RAD18: variants seen among roughly 807,000 people sequenced by gnomAD.
RAD18 encodes the protein RAD18 E3 ubiquitin protein ligase.
RAD18 carries 47 observed loss-of-function variants against 60.4 expected under a neutral mutation model. The ratio of observed to expected loss-of-function variants is 0.78; its 90% confidence interval spans 0.62 to 0.99. The LOEUF (loss-of-function observed/expected upper bound fraction) is 0.99. Ranked by LOEUF, RAD18 falls within the 50% of genes least tolerant of loss-of-function variation. The pLI is 0.00. For missense variants in RAD18, 640 were observed against 593.3 expected (o/e 1.08, Z -0.82); for synonymous variants, 225 against 195.5 (o/e 1.15, Z -1.26).
In RAD18 at chr3:8,881,195, A is replaced by C; in HGVS notation, c.*162T>G. ...TGACCAAGTAAGGATATTTTGTAAC[A>C]TTTTTCCCCTCTGGAAAAGCAGAAA... is the stretch of plus-strand genomic sequence containing the variant. On this transcript the variant is annotated 3_prime_UTR_variant, in exon 13 of 13. Transcript: ENST00000264926. 1 of 621,190 alleles carries C rather than the reference A, an allele frequency of 1.6e-6. No homozygotes were observed. Among genetic ancestry groups the C allele is most frequent in the Non-Finnish European group, 2.7e-6 (1 of 367,748 alleles). The allele number at this position is 621,190 out of a possible 1,614,324, so 38.5% of individuals were successfully genotyped here. A position where few individuals can be genotyped will look rare whatever the true frequency, so the allele number is the denominator to read the frequency against.
In RAD18 at chr3:8,959,023, A is replaced by G. The variant is rs781277732; in HGVS notation, c.52-22T>C. ...TTGTCTGAAATGCAAATATGCATAT[A>G]TACATATCAGAAAGACATCAAAATT... On this transcript the variant is annotated intron_variant, in intron 1 of 12. Transcript: ENST00000264926. The G allele has an allele frequency of 5.0e-6, 8 of 1,589,540 alleles. No homozygotes were observed. In the South Asian group the frequency reaches 7.8e-5, roughly 16 times the overall value.
intron 11 of RAD18, among the ~76,000 whole-genome samples, chr3:8,895,590 G>T (rs1437414803): frequency 1.3e-5 from 2 of 152,076 alleles, no homozygotes; most frequent in African/African-American, 2.4e-5. Flanking sequence ...CTGATGAGAT[G>T]ATTTCCAAAA....
intron 7 of RAD18, among the ~76,000 whole-genome samples, chr3:8,915,504 A>C (rs541482603): frequency 2.6e-4 from 39 of 152,186 alleles, no homozygotes; most frequent in African/African-American, 8.4e-4. Context: ...GCAAAAGACC[A>C]AGGGTGAGCT....
At chr3:8,887,890 G>T (rs1270725290) in intron 12 of RAD18, among the ~76,000 whole-genome samples, 1 of 152,158 alleles carries the variant, frequency 6.6e-6, no homozygotes, top group East Asian at 1.9e-4. Context: ...GCCCAGCCAG[G>T]AGTATGCCTG....
At chr3:8,902,939 T>C (rs1439351048) in intron 9 of RAD18, among the ~76,000 whole-genome samples, 1 of 150,738 alleles carries the variant, frequency 6.6e-6, no homozygotes, top group Non-Finnish European at 1.5e-5. Context: ...GGCACAAGAG[T>C]CACTTGAACC....
At chr3:8,925,826 A>G (rs1467403388) in intron 7 of RAD18, among the ~76,000 whole-genome samples, 2 of 152,232 alleles carry the variant, frequency 1.3e-5, no homozygotes, top group Non-Finnish European at 2.9e-5. Context: ...GATTATCTCA[A>G]TAGATGCAGA....
intron 8 of RAD18, among the ~76,000 whole-genome samples, chr3:8,912,994 T>G (rs1940129196): frequency 6.6e-6 from 1 of 151,540 alleles, no homozygotes; most frequent in South Asian, 2.1e-4. Context: ...TTTCTTAAGG[T>G]AACCATTGCT....
intron 12 of RAD18, among the ~76,000 whole-genome samples, chr3:8,886,216 A>T (rs531209800): frequency 7.9e-5 from 12 of 152,280 alleles, no homozygotes; most frequent in Admixed American, 4.6e-4. Context: ...TTGGTATTTT[A>T]TTGCCACAAA....
intron 2 of RAD18, among the ~76,000 whole-genome samples, chr3:8,956,653 C>T (rs77571607): frequency 0.011 from 1,593 of 151,090 alleles, 27 homozygotes; most frequent in African/African-American, 0.037. Flanking sequence ...ACAAAAACAA[C>T]GTTATTAGCT....
chr3:8,948,477 G>C (rs775898998), intron 3 of RAD18, 32 bp downstream of exon 3: 2 of 1,568,620 alleles, frequency 1.3e-6, no homozygotes, highest in African/African-American at 2.7e-5. Context: ...GCAGCAGTCA[G>C]TAAGTTTTAA....
chr3:8,918,430 T>TA (rs995826840), intron 7 of RAD18, among the ~76,000 whole-genome samples: 1 of 151,928 alleles, frequency 6.6e-6, no homozygotes, highest in Admixed American at 6.6e-5. Flanking sequence ...TAAAATACAT[T>TA]AAAAAGTATT....
At chr3:8,895,671 A>C (rs1939771265) in intron 11 of RAD18, among the ~76,000 whole-genome samples, 1 of 152,196 alleles carries the variant, frequency 6.6e-6, no homozygotes, top group Non-Finnish European at 1.5e-5. Flanking sequence ...AAGTAGATTG[A>C]TATATTTACA....
intron 1 of RAD18, among the ~76,000 whole-genome samples, chr3:8,959,314 C>T (rs568827284): frequency 1.3e-5 from 2 of 152,338 alleles, no homozygotes; most frequent in South Asian, 4.1e-4. Flanking sequence ...ACTTCTAATG[C>T]GCTTCCAGCT....
chr3:8,918,087 G>A (rs1196605857), intron 7 of RAD18, among the ~76,000 whole-genome samples: 1 of 152,142 alleles, frequency 6.6e-6, no homozygotes, highest in East Asian at 1.9e-4. Context: ...GGAGGCCGAG[G>A]CGAGTGGATC....
At chr3:8,886,648 C>G (rs752909189) in intron 12 of RAD18, among the ~76,000 whole-genome samples, 1 of 152,210 alleles carries the variant, frequency 6.6e-6, no homozygotes, top group Non-Finnish European at 1.5e-5. Context: ...TACTTACTCA[C>G]TAGAAAGGGT....
intron 12 of RAD18, among the ~76,000 whole-genome samples, chr3:8,882,918 C>T (rs1939496195): frequency 1.3e-5 from 2 of 152,228 alleles, no homozygotes; most frequent in Admixed American, 1.3e-4. Flanking sequence ...TCCCTATGGT[C>T]CTTCACTGCA....
intron 4 of RAD18, among the ~76,000 whole-genome samples, chr3:8,943,351 G>T (rs369903134): frequency 1.3e-5 from 2 of 148,944 alleles, no homozygotes; most frequent in Non-Finnish European, 3.0e-5. Flanking sequence ...AAAAAGAAAA[G>T]GGATAAAAAG....
chr3:8,956,750 T>TAAAAA (rs59945420), intron 2 of RAD18, among the ~76,000 whole-genome samples: 4 of 137,772 alleles, frequency 2.9e-5, no homozygotes, highest in Admixed American at 6.8e-5. Context: ...ATTCATGATT[T>TAAAAA]AAAAAAAAAA....
At position 8,963,402 on chromosome 3, in the gene RAD18, G is replaced by A; in HGVS notation, c.-17C>T. 1 of 1,579,372 alleles carries A rather than the reference G, an allele frequency of 6.3e-7. No homozygotes were observed. On this transcript the variant is annotated 5_prime_UTR_variant, in exon 1 of 13. Transcript: ENST00000264926. The stretch of plus-strand genomic sequence containing the variant: ...GGAGTCCATGGTCGCTCCCGAGGAT[G>A]CTGGGGGTCAGCCACCCACTAGCCT...
Sources: gnomAD v4.1 joint callset for allele counts (sites outside exome capture counted in the v4.1 genomes callset) on GRCh38, gnomAD v4.1.1 for gene constraint, MANE v1.5 for transcripts, NCBI Gene and HGNC (gene_info 2026-07-23, HGNC 2026-07-21) for gene names.